Variants in COQ8A observed in about 807,000 individuals in gnomAD.
COQ8A encodes the protein atypical kinase COQ8A, mitochondrial.
Under a neutral mutation model 65.0 loss-of-function variants are expected in COQ8A, and 51 were observed. The observed-to-expected ratio is 0.78, with a 90% CI of 0.63 to 0.99. COQ8A has a LOEUF of 0.99. Ranked by LOEUF, COQ8A falls within the 50% of genes least tolerant of loss-of-function variation. The pLI is 0.00. For missense variants in COQ8A, 940 were observed against 875.0 expected, an observed-to-expected ratio of 1.07 and a Z score of -0.94; for synonymous variants, 371 against 353.2, an observed-to-expected ratio of 1.05 and a Z score of -0.57.
rs112537918 is a variant in COQ8A at position 226,984,236 on chromosome 1, G to T, written c.1398+1G>T. The T allele has an allele frequency of 1.2e-6, 2 of 1,613,424 alleles. No individual in the cohort carries two copies. Among genetic ancestry groups the T allele is most frequent in the African/African-American group, 1.3e-5 (1 of 75,066 alleles). ...GCTCAGCCAGGAGATTCGGAACGAG[G>T]TTTGTCTGTGCCAGCAGACAGGTGG... is the stretch of plus-strand genomic sequence containing the variant. On this transcript the variant is annotated splice_donor_variant, in intron 11 of 14. Transcript: ENST00000366777. LOFTEE classifies it high-confidence loss of function.
At chr1:226,953,684 C>A (rs1657523180) in intron 1 of COQ8A, among the ~76,000 whole-genome samples, 1 of 152,142 alleles carries the variant, frequency 6.6e-6, no homozygotes, top group South Asian at 2.1e-4. Context: ...CTCCTGGGTT[C>A]TTCATGTGTT....
rs1391676857 is a variant in COQ8A, at chr1:226,956,272, T to A, written c.-9-5105T>A. 9.5e-5 allele frequency among the ~76,000 whole-genome samples: 8 copies of A among 84,228 alleles called. 1 individual carries two copies. The highest frequency in any genetic ancestry group is 5.5e-4 in the Admixed American group (5 of 9,174). 55.3% of individuals were successfully genotyped at this position (84,228 alleles called of 152,430 possible). On this transcript the variant is annotated intron_variant, in intron 1 of 14. Coordinates refer to ENST00000366777, the MANE Select transcript of COQ8A (RefSeq NM_020247.5). The stretch of plus-strand genomic sequence containing the variant: ...GGCTCCCACTCTCCCTGGTTCACAC[T>A]CTCCCTGGCTTCCACTCTCCCTGGT...
At chr1:226,966,017 A>G (rs1173886871) in intron 4 of COQ8A, among the ~76,000 whole-genome samples, 1 of 152,234 alleles carries the variant, frequency 6.6e-6, no homozygotes, top group Admixed American at 6.5e-5. Context: ...CCTCGCCTGG[A>G]GGCGGTGTCT....
At chr1:226,948,789 G>A (rs1657197753) in intron 1 of COQ8A, among the ~76,000 whole-genome samples, 1 of 152,144 alleles carries the variant, frequency 6.6e-6, no homozygotes, top group Non-Finnish European at 1.5e-5. Context: ...AAGAAGAAGA[G>A]TAACTTACAA....
chr1:226,956,627 T>C (rs1164019508), intron 1 of COQ8A, among the ~76,000 whole-genome samples: 2 of 60,302 alleles, frequency 3.3e-5, no homozygotes, highest in Non-Finnish European at 6.2e-5. Flanking sequence ...CTCTCCCTGG[T>C]TCACACTCTC....
rs765218925 is a variant in COQ8A, at chr1:226,982,012, C to T, written c.731-15C>T. 2 of 1,612,900 alleles carry T rather than the reference C, an allele frequency of 1.2e-6. No homozygotes were observed. The highest frequency in any genetic ancestry group is 1.7e-5 in the Admixed American group (1 of 60,024). Reference sequence around the variant, plus strand: ...CCCCCCGAGTGCCGTGGTGACCCCTCTTGCCCGCCCACAGGGAAGAAGGCC... The same window carrying T: ...CCCCCCGAGTGCCGTGGTGACCCCTTTTGCCCGCCCACAGGGAAGAAGGCC... On this transcript the variant is annotated splice_polypyrimidine_tract_variant and intron_variant, in intron 5 of 14. Coordinates refer to ENST00000366777, the MANE Select transcript of COQ8A (RefSeq NM_020247.5).
chr1:226,981,587 C>T (rs567957148), intron 5 of COQ8A, among the ~76,000 whole-genome samples: 2 of 152,340 alleles, frequency 1.3e-5, no homozygotes, highest in South Asian at 2.1e-4. Context: ...ACAGGTGCAG[C>T]GGGCCTTTGT....
chr1:226,958,450 G>C (rs1456290529), intron 1 of COQ8A, among the ~76,000 whole-genome samples: 1 of 152,112 alleles, frequency 6.6e-6, no homozygotes, highest in Non-Finnish European at 1.5e-5. Flanking sequence ...CTCTGCCTCC[G>C]ATCCTGGCGT....
intron 4 of COQ8A, among the ~76,000 whole-genome samples, chr1:226,966,460 T>G (rs1658575202): frequency 1.3e-5 from 2 of 152,248 alleles, no homozygotes; most frequent in African/African-American, 4.8e-5. Context: ...TCTCCTTTGC[T>G]GTGGTACACT....
chr1:226,954,458 C>G (rs1030748245), intron 1 of COQ8A, among the ~76,000 whole-genome samples: 1 of 152,250 alleles, frequency 6.6e-6, no homozygotes, highest in Non-Finnish European at 1.5e-5. Context: ...CACCTGGGAA[C>G]TTGTTAGAGA....
chr1:226,984,800 G>A, intron 12 of COQ8A, 76 bp from the exon 13 acceptor site: 1 of 1,541,512 alleles, frequency 6.5e-7, no homozygotes, highest in Middle Eastern at 1.7e-4. Flanking sequence ...GCCCTCTGTT[G>A]CACCCCCTTC....
chr1:226,940,783 T>A (rs1267222665), intron 1 of COQ8A, among the ~76,000 whole-genome samples: 2 of 152,172 alleles, frequency 1.3e-5, no homozygotes, highest in African/African-American at 4.8e-5. Flanking sequence ...TTTCTAATAA[T>A]GTTGTTCTTC....
Position 226,983,590 on chromosome 1 carries a change from C to T in COQ8A, c.1119C>T (p.Asn373=). The change falls in exon 9 of 15, where the codon AAC becomes AAT. Residue 373 remains asparagine, a synonymous_variant. Coordinates refer to ENST00000366777, the MANE Select transcript of COQ8A (RefSeq NM_020247.5). The part of the protein sequence containing the change: ...GVAQSINSDV[N]NLMAVLNMSN... ...CCCAGAGCATCAACAGTGATGTCAA[C>T]AACCTCATGGCCGTGTTGAACATGA... The T allele has an allele frequency of 6.2e-7, 1 of 1,614,024 alleles. No homozygotes were observed.
intron 10 of COQ8A, 115 bp from the exon 11 acceptor site, chr1:226,983,979 G>C (rs1659892015): frequency 6.5e-7 from 1 of 1,538,260 alleles, no homozygotes; most frequent in Non-Finnish European, 8.8e-7. Context: ...CCTGGGCCGA[G>C]GCCATATCCT....
chr1:226,981,526 A>T (rs1447401258), intron 5 of COQ8A, among the ~76,000 whole-genome samples: 1 of 152,234 alleles, frequency 6.6e-6, no homozygotes, highest in Non-Finnish European at 1.5e-5. Flanking sequence ...CCTTGAGGAC[A>T]GCCCTCTGGC....
chr1:226,945,833 G>C (rs532512820), intron 1 of COQ8A, among the ~76,000 whole-genome samples: 2 of 152,348 alleles, frequency 1.3e-5, no homozygotes, highest in East Asian at 1.9e-4. Context: ...TGCGTCCCCT[G>C]CTCCCTCCCT....
rs17849927 is a variant in COQ8A at position 226,983,783 on chromosome 1, C to G, written c.1185C>G (p.Ile395Met). 3.1e-6 allele frequency: 5 copies of G among 1,613,062 alleles called. No homozygotes were observed. In the Admixed American group the frequency reaches 6.7e-5, roughly 22 times the overall value. Reference protein sequence around the residue: ...LPEGLFPEHLIDVLRRELALE... With the variant: ...LPEGLFPEHLMDVLRRELALE... ...CAGGCCTGTTCCCCGAGCACCTGAT[C>G]GACGTGCTGAGGCGGGAGCTGGCCC... Residue 395 changes from isoleucine to methionine, a missense_variant, in exon 10 of 15, where the codon ATC becomes ATG. Physicochemically the swap from Ile to Met is conservative, Grantham distance 10. Transcript: ENST00000366777.
At chr1:226,978,418 T>A (rs1214658312) in intron 5 of COQ8A, among the ~76,000 whole-genome samples, 1 of 63,996 alleles carries the variant, frequency 1.6e-5, no homozygotes, top group African/African-American at 6.2e-5. Flanking sequence ...TTGCACACCC[T>A]CCACACACCC....
intron 4 of COQ8A, among the ~76,000 whole-genome samples, chr1:226,968,922 G>A (rs1326920931): frequency 1.3e-5 from 2 of 152,276 alleles, no homozygotes; most frequent in East Asian, 3.9e-4. Context: ...TATTGGATAT[G>A]GGGTCAGAAC....
Sources: gnomAD v4.1 joint callset for allele counts (sites outside exome capture counted in the v4.1 genomes callset) on GRCh38, gnomAD v4.1.1 for gene constraint, MANE v1.5 for transcripts, NCBI Gene and HGNC (gene_info 2026-07-23, HGNC 2026-07-21) for gene names.